Variants in TBCCD1 observed in about 807,000 individuals in gnomAD.
TBCCD1 encodes TBCC domain containing 1.
In TBCCD1, 26 loss-of-function variants were observed where a neutral mutation model predicts 53.4. The observed-to-expected ratio is 0.49, with a 90% confidence interval of 0.36 to 0.68. TBCCD1 has a LOEUF of 0.68. Ranked by LOEUF, TBCCD1 falls within the 30% of genes least tolerant of loss-of-function variation. TBCCD1 has a pLI of 0.00. For synonymous variants in TBCCD1, 245 were observed against 241.7 expected (o/e 1.01, Z -0.13); for missense variants, 558 against 669.5 (o/e 0.83, Z 1.84).
chr3:186,562,783 G>A (rs1224110836), intron 2 of TBCCD1, among the ~76,000 whole-genome samples: 1 of 152,072 alleles, frequency 6.6e-6, no homozygotes, highest in Non-Finnish European at 1.5e-5. Flanking sequence ...GGTCATGATG[G>A]TTTCACAGCA....
chr3:186,564,119 G>T lies in TBCCD1; in HGVS notation c.211C>A (p.Leu71Met), dbSNP rs368676755. 1 of 1,614,212 alleles carries T rather than the reference G, an allele frequency of 6.2e-7. No homozygotes were observed. Among genetic ancestry groups the T allele is most frequent in the Non-Finnish European group, 8.5e-7 (1 of 1,180,042 alleles). ...ACGKLQLAKDLAWLYFEIFDS... is the reference protein window; with the variant it reads ...ACGKLQLAKDMAWLYFEIFDS... ...AATATTTCGAAGTAAAGCCACGCCA[G>T]GTCCTTGGCCAACTGCAGCTTCCCA... The change falls in exon 2 of 8, where the codon CTG (leucine) becomes ATG (methionine). Residue 71 changes from leucine (L) to methionine (M), a missense_variant. By Grantham distance (15) the Leu-to-Met change is conservative. Coordinates refer to ENST00000338733, the MANE Select transcript of TBCCD1 (RefSeq NM_018138.5).
At chr3:186,558,012 G>T (rs370973226) in intron 3 of TBCCD1, among the ~76,000 whole-genome samples, 1 of 152,126 alleles carries the variant, frequency 6.6e-6, no homozygotes, top group Non-Finnish European at 1.5e-5. Context: ...GGGTTGTCAC[G>T]TATGTAATTA....
chr3:186,564,063 C>A lies in TBCCD1; in HGVS notation c.267G>T (p.Glu89Asp), dbSNP rs1190767205. 15 of 1,614,188 alleles carry A rather than the reference C, an allele frequency of 9.3e-6. No individual in the cohort carries two copies. The highest frequency in any genetic ancestry group is 1.2e-5 in the Non-Finnish European group (14 of 1,180,042). Reference protein sequence around the residue: ...FDSLSMKTPEERLEWSEVLSN... With the variant: ...FDSLSMKTPEDRLEWSEVLSN... ...ACAGAACCTCAGACCATTCCAGGCG[C>A]TCCTCAGGTGTCTTCATTGAAAGAC... Residue 89 changes from glutamate (E) to aspartate (D), a missense_variant, in exon 2 of 8, where the codon GAG (glutamate) becomes GAT (aspartate). Transcript: ENST00000338733.
chr3:186,550,996 A>T, intron 7 of TBCCD1, 133 bp downstream of exon 7: 1 of 806,038 alleles, frequency 1.2e-6, no homozygotes, highest in Non-Finnish European at 1.8e-6. Flanking sequence ...ATATGGGTAC[A>T]TAAAGGTCCG....
At chr3:186,551,989 GTACAA>G (rs200747146) in intron 6 of TBCCD1, among the ~76,000 whole-genome samples, 5 of 151,750 alleles carry the variant, frequency 3.3e-5, no homozygotes, top group South Asian at 2.1e-4. Flanking sequence ...AATAAATACA[GTACAA>G]TACAATACAA....
intron 3 of TBCCD1, 44 bp downstream of exon 3, chr3:186,558,373 C>G (rs1423340630): frequency 1.3e-6 from 2 of 1,577,892 alleles, no homozygotes; most frequent in African/African-American, 2.7e-5. Flanking sequence ...ATCTCCCACA[C>G]AAATTGTCCC....
chr3:186,550,056 G>A (rs946908976), intron 7 of TBCCD1, among the ~76,000 whole-genome samples: 2 of 151,836 alleles, frequency 1.3e-5, no homozygotes, highest in Non-Finnish European at 2.9e-5. Flanking sequence ...GTGAAACTAA[G>A]TCTCTACTAA....
chr3:186,570,403 C>T (rs554743365), upstream of TBCCD1: 10 of 479,914 alleles, frequency 2.1e-5, no homozygotes, highest in Admixed American at 4.0e-5. Flanking sequence ...GGTGGAAAGT[C>T]CGAGGAAGTG....
rs780917481 is a variant in TBCCD1 at position 186,551,289 on chromosome 3, C to T, written c.1545-10G>A. 7 of 1,607,378 alleles carry T rather than the reference C, an allele frequency of 4.4e-6. No individual in the cohort carries two copies. Among genetic ancestry groups the T allele is most frequent in the African/African-American group, 4.0e-5 (3 of 74,384 alleles). ...CTGCTTCCTTTGATCCCTAAAATTG[C>T]GATTATGAGTAAAAAGAATATAAGA... On this transcript the variant is annotated splice_polypyrimidine_tract_variant and intron_variant, in intron 6 of 7. Coordinates refer to ENST00000338733, the MANE Select transcript of TBCCD1 (RefSeq NM_018138.5).
Position 186,551,143 on chromosome 3 carries a change from A to T in TBCCD1, c.*7T>A, listed in dbSNP as rs753159322. ...TAAATGCCTACCAGTGTCTGCATGT[A>T]AGATCCTTATCCAGCTGCTTGTTTG... On this transcript the variant is annotated 3_prime_UTR_variant, in exon 7 of 8. Transcript: ENST00000338733. 6 of 1,609,430 alleles carry T rather than the reference A, an allele frequency of 3.7e-6. No homozygotes were observed. The South Asian group carries it at 6.6e-5, about 18-fold the overall frequency.
intron 7 of TBCCD1, among the ~76,000 whole-genome samples, chr3:186,547,256 A>AT (rs201432633): frequency 3.1e-3 from 441 of 143,998 alleles, no homozygotes; most frequent in African/African-American, 5.3e-3. Flanking sequence ...CAGATTTGTA[A>AT]TTTTTTTTTT....
chr3:186,561,078 T>G (rs1292826987), intron 2 of TBCCD1, among the ~76,000 whole-genome samples: 1 of 152,150 alleles, frequency 6.6e-6, no homozygotes, highest in Non-Finnish European at 1.5e-5. Context: ...TGTTTGGATA[T>G]GACACCAAAA....
Position 186,555,210 on chromosome 3 carries a change from G to A in TBCCD1, c.860-126C>T, listed in dbSNP as rs1274204325. 2.0e-5 allele frequency: 16 copies of A among 800,980 alleles called. 1 individual carries two copies. Among genetic ancestry groups the A allele is most frequent in the South Asian group, 1.5e-4 (6 of 39,394 alleles). 49.6% of individuals were successfully genotyped at this position (800,980 alleles called of 1,614,324 possible). A position where few individuals can be genotyped will look rare whatever the true frequency, so the allele number is the denominator to read the frequency against. On this transcript the variant is annotated intron_variant, in intron 4 of 7. Coordinates refer to ENST00000338733, the MANE Select transcript of TBCCD1 (RefSeq NM_018138.5). Reference sequence around the variant, plus strand: ...AGATACCACATGTAGGGACAAAAACGTTAGATCTGGGCTTTGGATAGAGGT... The same window carrying A: ...AGATACCACATGTAGGGACAAAAACATTAGATCTGGGCTTTGGATAGAGGT...
At chr3:186,565,449 T>C (rs963984239) in intron 1 of TBCCD1, among the ~76,000 whole-genome samples, 7 of 152,208 alleles carry the variant, frequency 4.6e-5, no homozygotes, top group African/African-American at 1.4e-4. Context: ...ATGTTAGTTT[T>C]TGAATTTTCA....
intron 2 of TBCCD1, among the ~76,000 whole-genome samples, chr3:186,560,373 T>G (rs528889855): frequency 3.9e-5 from 6 of 152,360 alleles, no homozygotes; most frequent in Admixed American, 2.6e-4. Context: ...AAACGTTGTT[T>G]AGATATGACC....
At chr3:186,567,219 C>T in intron 1 of TBCCD1, 48 bp downstream of exon 1, 1 of 152,308 alleles carries the variant, frequency 6.6e-6, no homozygotes, top group East Asian at 1.9e-4. Flanking sequence ...AAGCCTGAAG[C>T]CTGACTAACC....
Position 186,564,087 on chromosome 3 carries a change from A to G in TBCCD1, c.243T>C (p.Ser81=). 6.2e-7 allele frequency: 1 copy of G among 1,614,184 alleles called. No homozygotes were observed. Among genetic ancestry groups the G allele is most frequent in the Non-Finnish European group, 8.5e-7 (1 of 1,180,034 alleles). The part of the protein sequence containing the change: ...LAWLYFEIFD[S]LSMKTPEERL... ...GCTCCTCAGGTGTCTTCATTGAAAG[A>G]CTATCAAATATTTCGAAGTAAAGCC... The change falls in exon 2 of 8, where the codon AGT becomes AGC. Residue 81 remains serine, a synonymous_variant. Transcript: ENST00000338733.
chr3:186,551,405 G>A, intron 6 of TBCCD1, 126 bp from the exon 7 acceptor site: 1 of 996,324 alleles, frequency 1.0e-6, no homozygotes, highest in South Asian at 1.7e-5. Context: ...TTATCCTTTT[G>A]TTCTCACTGT....
intron 1 of TBCCD1, among the ~76,000 whole-genome samples, chr3:186,566,890 C>A (rs778120253): frequency 6.6e-6 from 1 of 152,220 alleles, no homozygotes; most frequent in Admixed American, 6.5e-5. Context: ...GGTACTGAGC[C>A]CCTGTCAACA....
Sources: allele counts gnomAD v4.1 joint callset (sites outside exome capture counted in the v4.1 genomes callset), GRCh38; gene constraint gnomAD v4.1.1; transcripts MANE v1.5; gene names NCBI Gene and HGNC (gene_info 2026-07-23, HGNC 2026-07-21).